The following FAN1 variants were observed in gnomAD, a reference collection of about 807,000 sequenced individuals.
The protein encoded by FAN1 is fanconi-associated nuclease 1.
FAN1 carries 91 observed loss-of-function variants against 104.9 expected under a neutral mutation model. That is an observed-to-expected ratio of 0.87 (90% CI 0.73 to 1.03). FAN1 has a LOEUF of 1.03. FAN1 is among the 50% of genes least tolerant of loss of function. The pLI is 0.00. For synonymous variants in FAN1, 478 were observed against 457.6 expected, an observed-to-expected ratio of 1.04 and a Z score of -0.57; for missense variants, 1,263 against 1,239.9, an observed-to-expected ratio of 1.02 and a Z score of -0.28.
At chr15:30,932,879 A>ATT (rs774762002) in intron 13 of FAN1, among the ~76,000 whole-genome samples, 1,656 of 139,348 alleles carry the variant, frequency 0.012, 41 homozygotes, top group Admixed American at 0.044. Flanking sequence ...TGCCTGGATA[A>ATT]TTTTTTTTTT....
In FAN1 at chr15:30,941,612, G is replaced by A. The variant is rs373120553; in HGVS notation, c.*50G>A. ...AAATGAGGAGGAGAGAAACTCCGGT[G>A]TCCCCGAGGTGTCGGTGTGGTGAGG... is the stretch of plus-strand genomic sequence containing the variant. On this transcript the variant is annotated 3_prime_UTR_variant, in exon 15 of 15. Transcript: ENST00000362065. 8.1e-6 allele frequency: 13 copies of A among 1,601,456 alleles called. No individual in the cohort carries two copies. Among genetic ancestry groups the A allele is most frequent in the Non-Finnish European group, 1.1e-5 (13 of 1,173,696 alleles).
chr15:30,906,014 CA>C (rs2061971431), intron 2 of FAN1, 117 bp downstream of exon 2: 2 of 941,866 alleles, frequency 2.1e-6, no homozygotes, highest in Non-Finnish European at 3.3e-6. Context: ...GTGTTGTGAG[CA>C]CCCTGTGGGA....
intron 10 of FAN1, among the ~76,000 whole-genome samples, chr15:30,926,286 T>TC (rs2062461074): frequency 6.6e-6 from 1 of 152,282 alleles, no homozygotes; most frequent in South Asian, 2.1e-4. Context: ...TCCTGCCCCT[T>TC]CCCTGGGATT....
Position 30,904,518 on chromosome 15 carries a change from G to T in FAN1, c.-146G>T, listed in dbSNP as rs962565548. The T allele has an allele frequency of 1.2e-6, 1 of 808,506 alleles. No individual in the cohort carries two copies. The highest frequency in any genetic ancestry group is 1.7e-5 in the African/African-American group (1 of 58,932). 50.1% of individuals were successfully genotyped at this position (808,506 alleles called of 1,614,324 possible). A position where few individuals can be genotyped will look rare whatever the true frequency, so the allele number is the denominator to read the frequency against. On this transcript the variant is annotated 5_prime_UTR_variant, in exon 2 of 15. Coordinates refer to ENST00000362065, the MANE Select transcript of FAN1 (RefSeq NM_014967.5). ...TATGTGTTTCTTCTTGTAGGAAGAA[G>T]AAATTGTCGAGACGAATAACATGAG...
intron 5 of FAN1, among the ~76,000 whole-genome samples, chr15:30,914,685 A>G (rs1021755036): frequency 9.9e-5 from 15 of 152,158 alleles, no homozygotes; most frequent in African/African-American, 2.9e-4. Context: ...TTTGACACAG[A>G]CATATTAACA....
intron 2 of FAN1, chr15:30,906,460 C>G (rs1283763996): frequency 8.8e-6 from 4 of 456,726 alleles, no homozygotes; most frequent in Non-Finnish European, 1.3e-5. Context: ...TAGTCTATGC[C>G]TGAAGTCCTT....
intron 13 of FAN1, among the ~76,000 whole-genome samples, chr15:30,933,993 C>T (rs2062786386): frequency 6.6e-6 from 1 of 152,104 alleles, no homozygotes; most frequent in Non-Finnish European, 1.5e-5. Context: ...AACTCCTGGG[C>T]TCCACGTTGG....
rs779771829 is a variant in FAN1, at chr15:30,905,152, C to T, written c.489C>T (p.Tyr163=). 7.4e-6 allele frequency: 12 copies of T among 1,613,688 alleles called. No homozygotes were observed. Among genetic ancestry groups the T allele is most frequent in the East Asian group, 2.2e-5 (1 of 44,900 alleles). ...GSLASKLSRK[Y]VKAKKSIDKD... ...TAGCATCTAAATTGTCCAGAAAATA[C>T]GTAAAGGCTAAAAAATCAATAGATA... Residue 163 remains tyrosine (Y), a synonymous_variant, in exon 2 of 15, where the codon TAC becomes TAT. Coordinates refer to ENST00000362065, the MANE Select transcript of FAN1 (RefSeq NM_014967.5).
Position 30,942,208 on chromosome 15 carries a change from T to C in FAN1, c.*646T>C. Reference sequence around the variant, plus strand: ...TCAAAGAACATTTTCCTCCCTTCCTTTGTGTCCTTATTCTAATCCTCCTCC... The same window carrying C: ...TCAAAGAACATTTTCCTCCCTTCCTCTGTGTCCTTATTCTAATCCTCCTCC... On this transcript the variant is annotated 3_prime_UTR_variant, in exon 15 of 15. Transcript: ENST00000362065. 2 of 1,089,892 alleles carry C rather than the reference T, an allele frequency of 1.8e-6. No individual in the cohort carries two copies. The highest frequency in any genetic ancestry group is 2.4e-5 in the East Asian group (1 of 42,220). The allele number at this position is 1,089,892 out of a possible 1,614,324, so 67.5% of individuals were successfully genotyped here.
intron 13 of FAN1, among the ~76,000 whole-genome samples, chr15:30,934,262 T>C (rs1428628397): frequency 1.3e-5 from 2 of 152,182 alleles, no homozygotes; most frequent in Non-Finnish European, 2.9e-5. Flanking sequence ...TTTTTTAATG[T>C]TAACATGATA....
intron 14 of FAN1, among the ~76,000 whole-genome samples, 199 bp downstream of exon 14, chr15:30,937,458 T>C (rs1046170961): frequency 6.9e-6 from 1 of 145,648 alleles, no homozygotes; most frequent in East Asian, 2.0e-4. Context: ...TTTTTTTTTT[T>C]TTTTTTTTTT....
chr15:30,919,717 A>G (rs2062278727), intron 6 of FAN1, among the ~76,000 whole-genome samples: 1 of 150,680 alleles, frequency 6.6e-6, no homozygotes, highest in African/African-American at 2.5e-5. Flanking sequence ...AAAGAAAATC[A>G]TAAGGAAGAG....
intron 14 of FAN1, 178 bp from the exon 15 acceptor site, chr15:30,941,388 A>T: frequency 6.5e-7 from 1 of 1,540,652 alleles, no homozygotes; most frequent in South Asian, 1.3e-5. Context: ...GTTATTAGAG[A>T]TTCAAACGCC....
chr15:30,935,012 C>T (rs2140966431), intron 13 of FAN1, among the ~76,000 whole-genome samples: 1 of 151,058 alleles, frequency 6.6e-6, no homozygotes, highest in African/African-American at 2.4e-5. Context: ...TCTGTGTAGT[C>T]TCATTCTCCT....
At position 30,905,097 on chromosome 15, in the gene FAN1, G is replaced by T. The variant is rs146408181; in HGVS notation, c.434G>T (p.Arg145Leu). 50 of 1,613,870 alleles carry T rather than the reference G, an allele frequency of 3.1e-5. No homozygotes were observed. The African/African-American group carries it at 5.1e-4, about 16-fold the overall frequency. ...VCKNQDELRN[R>L]SVKVICLGSL... is the part of the protein sequence containing the mutation. The stretch of plus-strand genomic sequence containing the variant: ...AAAAATCAAGATGAGCTGAGAAATC[G>T]TAGTGTGAAAGTCATTTGTTTGGGA... Residue 145 changes from arginine to leucine, a missense_variant, in exon 2 of 15, where the codon CGT (arginine) becomes CTT (leucine). By Grantham distance (102) the Arg-to-Leu change is moderately radical. Coordinates refer to ENST00000362065, the MANE Select transcript of FAN1 (RefSeq NM_014967.5).
Position 30,942,205 on chromosome 15 carries a change from CCTTT to C in FAN1, c.*644_*647del, listed in dbSNP as rs762913498. The C allele has an allele frequency of 4.7e-5, 51 of 1,085,352 alleles. No homozygotes were observed. Among genetic ancestry groups the C allele is most frequent in the African/African-American group, 2.5e-4 (16 of 63,518 alleles). 67.2% of individuals were successfully genotyped at this position (1,085,352 alleles called of 1,614,324 possible). A position where few individuals can be genotyped will look rare whatever the true frequency, so the allele number is the denominator to read the frequency against. ...GCCTCAAAGAACATTTTCCTCCCTT[CCTTT>C]GTGTCCTTATTCTAATCCTCCTCCC... is the stretch of plus-strand genomic sequence containing the variant. On this transcript the variant is annotated 3_prime_UTR_variant, in exon 15 of 15. Coordinates refer to ENST00000362065, the MANE Select transcript of FAN1 (RefSeq NM_014967.5).
chr15:30,920,282 C>G (rs1474136723), intron 6 of FAN1, among the ~76,000 whole-genome samples: 1 of 151,896 alleles, frequency 6.6e-6, no homozygotes, highest in Non-Finnish European at 1.5e-5. Context: ...GGTGGCAGAC[C>G]CTGGGTTTGG....
intron 3 of FAN1, 52 bp downstream of exon 3, chr15:30,908,310 GCTT>G (rs2062027404): frequency 5.5e-6 from 8 of 1,464,842 alleles, no homozygotes; most frequent in Non-Finnish European, 7.3e-6. Flanking sequence ...GAAGAACTGA[GCTT>G]CTGCAGAATG....
intron 2 of FAN1, among the ~76,000 whole-genome samples, chr15:30,906,186 C>T (rs915040881): frequency 6.6e-6 from 1 of 152,178 alleles, no homozygotes. Context: ...TATGAAACAA[C>T]CTTTTCCAGA....
Sources: gnomAD v4.1 joint callset for allele counts (sites outside exome capture counted in the v4.1 genomes callset) on GRCh38, gnomAD v4.1.1 for gene constraint, MANE v1.5 for transcripts, NCBI Gene and HGNC (gene_info 2026-07-23, HGNC 2026-07-21) for gene names.